Variants in CNTLN observed in about 807,000 individuals in gnomAD.
CNTLN encodes the protein centlein.
Under a neutral mutation model 180.0 loss-of-function variants are expected in CNTLN, and 212 were observed. The ratio of observed to expected loss-of-function variants is 1.18; its 90% CI spans 1.05 to 1.32. The LOEUF is 1.32. Among genes scored for constraint, CNTLN ranks in the 40% most tolerant of loss-of-function variants. The pLI, the probability that CNTLN is intolerant of heterozygous loss-of-function variation, is 0.00. For synonymous variants in CNTLN, 722 were observed against 563.1 expected, an observed-to-expected ratio of 1.28 and a Z score of -3.99; for missense variants, 2,095 against 1,610.9, an observed-to-expected ratio of 1.30 and a Z score of -5.14.
intron 16 of CNTLN, among the ~76,000 whole-genome samples, chr9:17,412,387 A>G (rs76472734): frequency 0.01 from 1,550 of 152,314 alleles, 20 homozygotes; most frequent in African/African-American, 0.035. Flanking sequence ...AACCTCAACT[A>G]TATCAACAGA....
intron 6 of CNTLN, among the ~76,000 whole-genome samples, chr9:17,296,545 ATCTTAACTGTGATGGAATTTTC>A (rs1205812159): frequency 2.0e-5 from 3 of 152,044 alleles, no homozygotes; most frequent in Non-Finnish European, 2.9e-5. Flanking sequence ...TGGCTAACGT[ATCTTAACTGTGATGGAATTTTC>A]TCCTGCCCTG....
At chr9:17,152,694 A>C (rs943994290) in intron 2 of CNTLN, among the ~76,000 whole-genome samples, 2 of 152,160 alleles carry the variant, frequency 1.3e-5, no homozygotes, top group African/African-American at 2.4e-5. Flanking sequence ...TCCAGAGCTG[A>C]GTTCAACTCC....
At position 17,330,680 on chromosome 9, in the gene CNTLN, C is replaced by G; in HGVS notation, c.1390C>G (p.Gln464Glu). The G allele has an allele frequency of 3.7e-6, 6 of 1,610,730 alleles. No individual in the cohort carries two copies. The highest frequency in any genetic ancestry group is 5.1e-6 in the Non-Finnish European group (6 of 1,178,066). ...AAGCTTAGAAACGTTAATGGTTTCA[C>G]AGAAGTCTGAAATTGAGTATTTACA... is the stretch of plus-strand genomic sequence containing the variant. ...LSSLETLMVS[Q>E]KSEIEYLQEK... Residue 464 changes from glutamine to glutamate, a missense_variant, in exon 9 of 26, where the codon CAG becomes GAG. Gln to Glu is a conservative substitution (Grantham distance 29). Coordinates refer to ENST00000380647, the MANE Select transcript of CNTLN (RefSeq NM_017738.4).
intron 5 of CNTLN, among the ~76,000 whole-genome samples, chr9:17,241,119 A>T (rs891053052): frequency 6.6e-6 from 1 of 152,114 alleles, no homozygotes; most frequent in African/African-American, 2.4e-5. Flanking sequence ...TGGCCTCCCA[A>T]AGTGCTGGGA....
At chr9:17,517,119 C>T in the CNTLN span, among the ~76,000 whole-genome samples, 6 of 151,998 alleles carry the variant, frequency 3.9e-5, no homozygotes, top group Non-Finnish European at 7.4e-5. Context: ...TGGCCGGGCG[C>T]GGTGGCTCAC....
At chr9:17,446,461 T>C (rs984337176) in intron 18 of CNTLN, among the ~76,000 whole-genome samples, 1 of 152,198 alleles carries the variant, frequency 6.6e-6, no homozygotes, top group South Asian at 2.1e-4. Context: ...TCTTTAGCCT[T>C]TGACTCTATA....
At chr9:17,254,104 C>T (rs1410411168) in intron 5 of CNTLN, among the ~76,000 whole-genome samples, 1 of 151,416 alleles carries the variant, frequency 6.6e-6, no homozygotes, top group African/African-American at 2.4e-5. Flanking sequence ...TTGAATCATC[C>T]CTGCATCCCT....
intron 5 of CNTLN, among the ~76,000 whole-genome samples, chr9:17,263,636 T>C (rs1827181073): frequency 1.4e-5 from 2 of 146,464 alleles, no homozygotes; most frequent in African/African-American, 5.2e-5. Context: ...CCACAATGGT[T>C]GAACTAGTTT....
chr9:17,229,097 A>AT (rs1563902826), intron 3 of CNTLN, among the ~76,000 whole-genome samples: 1 of 152,022 alleles, frequency 6.6e-6, no homozygotes, highest in Admixed American at 6.6e-5. Flanking sequence ...ATTTACTGAT[A>AT]TTTTTAATGA....
intron 18 of CNTLN, among the ~76,000 whole-genome samples, chr9:17,435,357 T>G (rs1265801745): frequency 6.6e-6 from 1 of 152,212 alleles, no homozygotes; most frequent in African/African-American, 2.4e-5. Flanking sequence ...TTTTTATGAA[T>G]TTATTTTTAT....
At chr9:17,353,932 G>T (rs185965470) in intron 12 of CNTLN, among the ~76,000 whole-genome samples, 2 of 152,324 alleles carry the variant, frequency 1.3e-5, no homozygotes, top group East Asian at 3.9e-4. Context: ...AGGGAGGTGT[G>T]GAGGGAGAGG....
chr9:17,215,740 C>T (rs964458075), intron 2 of CNTLN, among the ~76,000 whole-genome samples: 3 of 152,130 alleles, frequency 2.0e-5, no homozygotes, highest in Admixed American at 6.5e-5. Context: ...CCTACTCAAG[C>T]CTCAGCAATG....
intron 18 of CNTLN, among the ~76,000 whole-genome samples, chr9:17,450,934 A>G (rs1389605806): frequency 1.3e-5 from 2 of 152,198 alleles, no homozygotes; most frequent in African/African-American, 4.8e-5. Flanking sequence ...CTTTTAAATT[A>G]CTAAACTTGG....
chr9:17,435,906 CAAGGT>C (rs1217819287), intron 18 of CNTLN, among the ~76,000 whole-genome samples: 8 of 152,066 alleles, frequency 5.3e-5, no homozygotes, highest in Admixed American at 5.2e-4. Context: ...TCTGACCTGT[CAAGGT>C]AACAAATTCC....
chr9:17,362,323 T>C (rs1220733506), intron 12 of CNTLN, among the ~76,000 whole-genome samples: 1 of 152,104 alleles, frequency 6.6e-6, no homozygotes, highest in Non-Finnish European at 1.5e-5. Context: ...TAATCCAAGC[T>C]TAATCATTGT....
chr9:17,424,315 A>T (rs1408597744), intron 18 of CNTLN, among the ~76,000 whole-genome samples: 6 of 152,262 alleles, frequency 3.9e-5, no homozygotes, highest in African/African-American at 1.4e-4. Context: ...TTTTGACTTA[A>T]AGGTGTTACT....
At chr9:17,178,377 G>A (rs745506849) in intron 2 of CNTLN, among the ~76,000 whole-genome samples, 11 of 152,252 alleles carry the variant, frequency 7.2e-5, no homozygotes, top group Non-Finnish European at 1.6e-4. Flanking sequence ...CGGGCCGCAG[G>A]TGGAGCTGCC....
At chr9:17,338,337 G>GTTTTTTTTTTTTTTT (rs71331486) in intron 10 of CNTLN, among the ~76,000 whole-genome samples, 2 of 100,436 alleles carry the variant, frequency 2.0e-5, no homozygotes, top group Non-Finnish European at 3.7e-5. Flanking sequence ...GCTAATTTTT[G>GTTTTTTTTTTTTTTT]TTTTTTTTTT....
At chr9:17,272,670 CTG>C (rs1828033917) in intron 5 of CNTLN, among the ~76,000 whole-genome samples, 1 of 152,136 alleles carries the variant, frequency 6.6e-6, no homozygotes, top group Admixed American at 6.5e-5. Context: ...AAAATTTCTT[CTG>C]TGTCTCCAGA....
Sources: allele counts gnomAD v4.1 joint callset (sites outside exome capture counted in the v4.1 genomes callset), GRCh38; gene constraint gnomAD v4.1.1; transcripts MANE v1.5; gene names NCBI Gene and HGNC (gene_info 2026-07-23, HGNC 2026-07-21).